The following HTRA3 variants were observed in gnomAD, a reference collection of about 807,000 sequenced individuals.
The protein encoded by HTRA3 is HtrA serine peptidase 3.
Under a neutral mutation model 43.2 loss-of-function variants are expected in HTRA3, and 41 were observed. The observed-to-expected ratio is 0.95, with a 90% CI of 0.74 to 1.23. The LOEUF (loss-of-function observed/expected upper bound fraction) is 1.23. Among genes scored for constraint, HTRA3 ranks in the 50% most tolerant of loss-of-function variants. HTRA3 has a pLI of 0.00. For missense variants in HTRA3, 628 were observed against 647.1 expected, an observed-to-expected ratio of 0.97 and a Z score of 0.32; for synonymous variants, 295 against 287.9, an observed-to-expected ratio of 1.02 and a Z score of -0.25.
chr4:8,287,446 G>C (rs190269298), intron 3 of HTRA3, among the ~76,000 whole-genome samples: 3 of 152,338 alleles, frequency 2.0e-5, no homozygotes, highest in Admixed American at 2.0e-4. Context: ...TTGACTCAGA[G>C]TTCTGTAGGC....
In HTRA3 at chr4:8,282,351, C is replaced by T. The variant is rs999750154; in HGVS notation, c.386-86C>T. On this transcript the variant is annotated intron_variant, in intron 1 of 8. Transcript: ENST00000307358. Reference sequence around the variant, plus strand: ...GGGACAGGGGTCTCAGGAAGAGCCTCCTCCTTCTGCCCACTGGGCATAGGC... The same window carrying T: ...GGGACAGGGGTCTCAGGAAGAGCCTTCTCCTTCTGCCCACTGGGCATAGGC... 18 of 1,055,738 alleles carry T rather than the reference C, an allele frequency of 1.7e-5. No individual in the cohort carries two copies. In the African/African-American group the frequency reaches 2.5e-4, roughly 15 times the overall value. 65.4% of individuals were successfully genotyped at this position (1,055,738 alleles called of 1,614,324 possible).
At chr4:8,275,810 AG>A in intron 1 of HTRA3, among the ~76,000 whole-genome samples, 1 of 152,362 alleles carries the variant, frequency 6.6e-6, no homozygotes, top group Admixed American at 6.5e-5. Flanking sequence ...GAAAGGGTTC[AG>A]GGAGCTGTAG....
chr4:8,275,162 C>G (rs566798919), intron 1 of HTRA3, among the ~76,000 whole-genome samples: 1 of 152,220 alleles, frequency 6.6e-6, no homozygotes, highest in Non-Finnish European at 1.5e-5. Context: ...GGAGTCCAGC[C>G]GGACTGGAGC....
chr4:8,270,499 T>G lies in HTRA3; in HGVS notation c.385+146T>G, dbSNP rs1484505027. On this transcript the variant is annotated intron_variant, in intron 1 of 8. Coordinates refer to ENST00000307358, the MANE Select transcript of HTRA3 (RefSeq NM_053044.5). ...ATCATCCCACCAGCCCTCTGGTCTT[T>G]CAGATGAAGAAACTGAGGCCCGGAA... The G allele has an allele frequency of 3.1e-6, 3 of 954,440 alleles. No individual in the cohort carries two copies. The Admixed American group carries it at 1.2e-4, about 40-fold the overall frequency. 59.1% of individuals were successfully genotyped at this position (954,440 alleles called of 1,614,324 possible). A position where few individuals can be genotyped will look rare whatever the true frequency, so the allele number is the denominator to read the frequency against.
rs1438039910 is a variant in HTRA3 at position 8,270,046 on chromosome 4, C to T, written c.78C>T (p.Pro26=). 1 of 1,440,362 alleles carries T rather than the reference C, an allele frequency of 6.9e-7. No individual in the cohort carries two copies. The highest frequency in any genetic ancestry group is 1.5e-5 in the African/African-American group (1 of 67,566). The allele number at this position is 1,440,362 out of a possible 1,614,324, so 89.2% of individuals were successfully genotyped here. The change falls in exon 1 of 9, where the codon CCC becomes CCT. Residue 26 remains proline (P), a synonymous_variant. Transcript: ENST00000307358. ...LAREPPAAPC[P]ARCDVSRCPS... is the part of the protein sequence containing the mutation. Reference sequence around the variant, plus strand: ...GGGAGCCCCCTGCGGCGCCGTGTCCCGCGCGCTGCGACGTGTCGCGGTGTC... The same window carrying T: ...GGGAGCCCCCTGCGGCGCCGTGTCCTGCGCGCTGCGACGTGTCGCGGTGTC...
chr4:8,306,492 C>G lies in HTRA3; in HGVS notation c.*356C>G. ...CACCCATCTGCAGTATCCCCTGCTC[C>G]TGCCCCTCCTACTGCAGGTCTGGGC... On this transcript the variant is annotated 3_prime_UTR_variant, in exon 9 of 9. Transcript: ENST00000307358. This position sits in a 1 kb window ranked among gnomAD's most constrained non-coding sequence, Gnocchi z 8.9. 5.2e-6 allele frequency: 1 copy of G among 193,770 alleles called. No homozygotes were observed. The highest frequency in any genetic ancestry group is 1.4e-4 in the East Asian group (1 of 7,006). 12.0% of individuals were successfully genotyped at this position (193,770 alleles called of 1,614,324 possible). A position where few individuals can be genotyped will look rare whatever the true frequency, so the allele number is the denominator to read the frequency against.
chr4:8,284,809 G>A lies in HTRA3; in HGVS notation c.486-1752G>A, dbSNP rs984623892. Among the ~76,000 whole-genome samples the A allele has an allele frequency of 4.5e-4, 69 of 152,318 alleles. 1 individual carries two copies. The highest frequency in any genetic ancestry group is 1.1e-3 in the African/African-American group (44 of 41,576). On this transcript the variant is annotated intron_variant, in intron 2 of 8. Transcript: ENST00000307358. ...GCCTGACCTAGGCAAGTAGTTCAGC[G>A]TCTCGGGACTCAGTTTTCCCACCAT...
chr4:8,285,469 T>A (rs1712918654), intron 2 of HTRA3, among the ~76,000 whole-genome samples: 1 of 152,150 alleles, frequency 6.6e-6, no homozygotes, highest in South Asian at 2.1e-4. Context: ...TGTCTCTTGC[T>A]CTCACCTGCC....
intron 6 of HTRA3, among the ~76,000 whole-genome samples, chr4:8,298,046 T>A: frequency 6.6e-6 from 1 of 152,156 alleles, no homozygotes; most frequent in Non-Finnish European, 1.5e-5. Flanking sequence ...TCGTCGCCGC[T>A]CCGCCTCCAC....
intron 6 of HTRA3, among the ~76,000 whole-genome samples, chr4:8,301,039 ACACT>A (rs1487984508): frequency 1.2e-5 from 1 of 81,698 alleles, no homozygotes; most frequent in African/African-American, 3.4e-5. Flanking sequence ...TTATTGATTC[ACACT>A]CTCAGCTTTA....
Position 8,304,272 on chromosome 4 carries a change from T to A in HTRA3, c.1189T>A (p.Ser397Thr), listed in dbSNP as rs1354376674. ...YVQEVAPNSP[S>T]QRGGIQDGDI... ...GCAAGAGGTTGCGCCGAATTCACCT[T>A]CTCAGAGGTAGGCTCTGCCAGAGGA... The change falls in exon 8 of 9, where the codon TCT (serine) becomes ACT (threonine). Residue 397 changes from serine to threonine, a missense_variant. Ser to Thr is a moderately conservative substitution (Grantham distance 58). Coordinates refer to ENST00000307358, the MANE Select transcript of HTRA3 (RefSeq NM_053044.5). The A allele has an allele frequency of 6.2e-7, 1 of 1,613,796 alleles. No individual in the cohort carries two copies. Among genetic ancestry groups the A allele is most frequent in the South Asian group, 1.1e-5 (1 of 91,074 alleles).
chr4:8,283,389 C>A (rs1159878686), intron 2 of HTRA3, among the ~76,000 whole-genome samples: 1 of 152,210 alleles, frequency 6.6e-6, no homozygotes, highest in Admixed American at 6.5e-5. Context: ...CCACCATCCC[C>A]AGCCTCTCCT....
chr4:8,293,609 G>T (rs1413253238), intron 5 of HTRA3, among the ~76,000 whole-genome samples: 1 of 152,144 alleles, frequency 6.6e-6, no homozygotes, highest in Non-Finnish European at 1.5e-5. Flanking sequence ...CCTCATGGGG[G>T]GCAGGGCAGG....
At chr4:8,302,587 G>A in intron 7 of HTRA3, 76 bp downstream of exon 7, 3 of 1,460,824 alleles carry the variant, frequency 2.1e-6, no homozygotes, top group Non-Finnish European at 1.9e-6. Flanking sequence ...CCAGACCCTG[G>A]CTGGCTGTGT....
rs1712974464 is a variant in HTRA3, at chr4:8,286,556, T to C, written c.486-5T>C. On this transcript the variant is annotated splice_region_variant and splice_polypyrimidine_tract_variant and intron_variant, in intron 2 of 8. Coordinates refer to ENST00000307358, the MANE Select transcript of HTRA3 (RefSeq NM_053044.5). The surrounding 1 kb of genome is among the most constrained non-coding windows in gnomAD (Gnocchi z 4.9). ...AAATGCCCGCCTGTGTCTCCCTGGC[T>C]GCAGACACCCGCTGTTTGGCCGCAA... 1 of 1,612,728 alleles carries C rather than the reference T, an allele frequency of 6.2e-7. No homozygotes were observed. The highest frequency in any genetic ancestry group is 1.1e-5 in the South Asian group (1 of 91,024).
chr4:8,273,522 TC>T (rs143033316), intron 1 of HTRA3, among the ~76,000 whole-genome samples: 6,073 of 91,208 alleles, frequency 0.067, 260 homozygotes, highest in African/African-American at 0.18. Context: ...CTCGCCACCC[TC>T]CCCCCCGCAC....
At chr4:8,281,017 C>T (rs775687320) in intron 1 of HTRA3, among the ~76,000 whole-genome samples, 25 of 152,214 alleles carry the variant, frequency 1.6e-4, no homozygotes, top group African/African-American at 2.7e-4. Context: ...CCCTCCCAGC[C>T]GTGAGTCCTT....
chr4:8,305,258 T>G (rs1401839141), intron 8 of HTRA3, among the ~76,000 whole-genome samples: 1 of 152,264 alleles, frequency 6.6e-6, no homozygotes, highest in African/African-American at 2.4e-5. Flanking sequence ...CGTGAACTTC[T>G]GTGATGAGCA....
chr4:8,280,219 C>T (rs774760094), intron 1 of HTRA3, among the ~76,000 whole-genome samples: 55 of 152,154 alleles, frequency 3.6e-4, no homozygotes, highest in Non-Finnish European at 2.9e-4. Flanking sequence ...CGTGCCCTGG[C>T]GCTTCTCCTC....
Sources: gnomAD v4.1 joint callset for allele counts (sites outside exome capture counted in the v4.1 genomes callset) on GRCh38, gnomAD v4.1.1 for gene constraint, Gnocchi (gnomAD v3.1) non-coding constraint, MANE v1.5 for transcripts, NCBI Gene and HGNC (gene_info 2026-07-23, HGNC 2026-07-21) for gene names.